CSMD1: variants seen among roughly 807,000 people sequenced by gnomAD.
CSMD1 encodes CUB and Sushi multiple domains 1.
A neutral mutation model predicts 417.5 loss-of-function variants in CSMD1; 213 were observed. The observed-to-expected ratio is 0.51, with a 90% CI of 0.46 to 0.57. The LOEUF (loss-of-function observed/expected upper bound fraction) is 0.57, where lower values mean the gene tolerates loss of function less well. CSMD1 is among the 20% of genes least tolerant of loss of function. The pLI, the probability that CSMD1 is intolerant of heterozygous loss-of-function variation, is 0.00. For missense variants in CSMD1, 6,923 were observed against 4,529.7 expected, an observed-to-expected ratio of 1.53 and a Z score of -15.17; for synonymous variants, 2,862 against 1,736.8, an observed-to-expected ratio of 1.65 and a Z score of -16.11.
chr8:3,631,853 C>T (rs1402346818), intron 7 of CSMD1, among the ~76,000 whole-genome samples: 1 of 152,116 alleles, frequency 6.6e-6, no homozygotes, highest in Non-Finnish European at 1.5e-5. Flanking sequence ...ATCTTTAAAA[C>T]GTGAATTCCC....
intron 10 of CSMD1, among the ~76,000 whole-genome samples, chr8:3,551,240 T>C (rs923459851): frequency 6.6e-6 from 1 of 152,234 alleles, no homozygotes; most frequent in African/African-American, 2.4e-5. Flanking sequence ...TGTAAATTTC[T>C]CAAGAAATAT....
At chr8:3,906,459 T>A (rs1808119057) in intron 5 of CSMD1, among the ~76,000 whole-genome samples, 1 of 152,150 alleles carries the variant, frequency 6.6e-6, no homozygotes, top group Non-Finnish European at 1.5e-5. Flanking sequence ...ATGATATGAA[T>A]TCTGAAAAGA....
chr8:3,367,840 G>C (rs1809698161), intron 19 of CSMD1, among the ~76,000 whole-genome samples: 1 of 152,046 alleles, frequency 6.6e-6, no homozygotes, highest in South Asian at 2.1e-4. Context: ...TTTACAATGG[G>C]TTTCATTTAA....
intron 3 of CSMD1, among the ~76,000 whole-genome samples, chr8:4,418,683 T>C (rs1024274880): frequency 6.6e-5 from 10 of 152,126 alleles, no homozygotes; most frequent in African/African-American, 2.4e-4. Flanking sequence ...GAATTTAGAG[T>C]TTATATGAAG....
intron 8 of CSMD1, among the ~76,000 whole-genome samples, chr8:3,608,514 A>T (rs1008367847): frequency 1.3e-5 from 2 of 152,126 alleles, no homozygotes; most frequent in African/African-American, 4.8e-5. Flanking sequence ...CTGTAATCCC[A>T]GCACTTAGGG....
intron 5 of CSMD1, among the ~76,000 whole-genome samples, chr8:3,764,995 T>C (rs1021161124): frequency 5.3e-5 from 8 of 152,040 alleles, no homozygotes; most frequent in Admixed American, 5.2e-4. Context: ...TCTGCCCACT[T>C]CGGCCTCCCA....
At chr8:4,784,853 T>C (rs943066704) in intron 1 of CSMD1, among the ~76,000 whole-genome samples, 9 of 152,190 alleles carry the variant, frequency 5.9e-5, no homozygotes, top group African/African-American at 2.2e-4. Context: ...ATGATTCCAT[T>C]AAAACTAAAT....
At chr8:2,966,513 C>A (rs1803973306) in intron 58 of CSMD1, 57 bp downstream of exon 58, 3 of 1,496,268 alleles carry the variant, frequency 2.0e-6, no homozygotes, top group South Asian at 2.5e-5. Flanking sequence ...ATTTTTTTTC[C>A]CAATGGAGTG....
chr8:4,129,141 T>G (rs1004880911), intron 3 of CSMD1, among the ~76,000 whole-genome samples: 1 of 151,826 alleles, frequency 6.6e-6, no homozygotes, highest in African/African-American at 2.4e-5. Context: ...TTTTGTTTCA[T>G]CTGTACTTAT....
intron 1 of CSMD1, among the ~76,000 whole-genome samples, chr8:4,710,046 G>C (rs2116858996): frequency 6.6e-6 from 1 of 152,224 alleles, no homozygotes; most frequent in East Asian, 1.9e-4. Context: ...AAGCTGACTT[G>C]ATAACTAGTG....
chr8:2,988,817 A>G (rs1806144952), intron 54 of CSMD1, among the ~76,000 whole-genome samples: 1 of 152,208 alleles, frequency 6.6e-6, no homozygotes, highest in Admixed American at 6.5e-5. Context: ...AGGGCTGGAT[A>G]GAGCTGCATC....
intron 3 of CSMD1, among the ~76,000 whole-genome samples, chr8:4,193,573 A>G (rs910244479): frequency 1.3e-5 from 2 of 152,058 alleles, no homozygotes; most frequent in African/African-American, 2.4e-5. Flanking sequence ...AAAACAAATG[A>G]AAGAGGCAGA....
At chr8:4,169,364 T>C (rs1437980581) in intron 3 of CSMD1, among the ~76,000 whole-genome samples, 1 of 152,144 alleles carries the variant, frequency 6.6e-6, no homozygotes, top group Non-Finnish European at 1.5e-5. Flanking sequence ...GCGACTGCGT[T>C]TTCCACTTCC....
chr8:4,297,389 A>G (rs1423026397), intron 3 of CSMD1, among the ~76,000 whole-genome samples: 1 of 152,130 alleles, frequency 6.6e-6, no homozygotes, highest in Non-Finnish European at 1.5e-5. Flanking sequence ...GCGTACTGTA[A>G]TTCATTTTTA....
chr8:4,937,917 C>T (rs1291759471), intron 1 of CSMD1, among the ~76,000 whole-genome samples: 1 of 152,130 alleles, frequency 6.6e-6, no homozygotes, highest in Admixed American at 6.6e-5. Context: ...TCCCAAATGT[C>T]AGCTACCTAC....
intron 41 of CSMD1, among the ~76,000 whole-genome samples, chr8:3,124,104 T>C (rs1184034571): frequency 6.6e-6 from 1 of 152,170 alleles, no homozygotes; most frequent in Non-Finnish European, 1.5e-5. Context: ...TTTTTTTTTC[T>C]TTTCTCAATG....
intron 3 of CSMD1, among the ~76,000 whole-genome samples, chr8:4,291,354 T>C (rs1228282360): frequency 1.3e-5 from 2 of 152,262 alleles, no homozygotes; most frequent in African/African-American, 2.4e-5. Flanking sequence ...ATAAATTACA[T>C]ATAAAAACAA....
intron 3 of CSMD1, among the ~76,000 whole-genome samples, chr8:4,107,464 T>C (rs533872887): frequency 1.2e-4 from 19 of 152,192 alleles, no homozygotes; most frequent in Non-Finnish European, 2.5e-4. Context: ...CACTGGATAA[T>C]GATTACAAGT....
At chr8:4,066,391 G>C (rs1329688561) in intron 3 of CSMD1, among the ~76,000 whole-genome samples, 1 of 151,990 alleles carries the variant, frequency 6.6e-6, no homozygotes, top group Non-Finnish European at 1.5e-5. Flanking sequence ...GGGATGTTTG[G>C]CATGTCCTCT....
Sources: gnomAD v4.1 joint callset for allele counts (sites outside exome capture counted in the v4.1 genomes callset) on GRCh38, gnomAD v4.1.1 for gene constraint, MANE v1.5 for transcripts, NCBI Gene and HGNC (gene_info 2026-07-23, HGNC 2026-07-21) for gene names.